The following EXOC4 variants were observed in gnomAD, a reference collection of about 807,000 sequenced individuals.
EXOC4 encodes exocyst complex component 4, also known as SEC8-like 1.
Under a neutral mutation model 107.2 loss-of-function variants are expected in EXOC4, and 71 were observed. That is an observed-to-expected ratio of 0.66 (90% CI 0.55 to 0.81). EXOC4 has a LOEUF of 0.81. Among genes scored for constraint, EXOC4 ranks in the 30% least tolerant of loss-of-function variants. EXOC4 has a pLI of 0.00. For synonymous variants in EXOC4, 456 were observed against 441.2 expected (o/e 1.03, Z -0.42); for missense variants, 1,108 against 1,189.6 (o/e 0.93, Z 1.01).
At chr7:133,317,704 C>T (rs955153577) in intron 5 of EXOC4, among the ~76,000 whole-genome samples, 37 of 151,124 alleles carry the variant, frequency 2.4e-4, no homozygotes, top group Admixed American at 7.2e-4. Context: ...TTTTTTGAGA[C>T]GGAGTCTCGC....
At chr7:133,274,786 A>G (rs1793950082) in intron 1 of EXOC4, among the ~76,000 whole-genome samples, 196 bp from the exon 2 acceptor site, 1 of 152,234 alleles carries the variant, frequency 6.6e-6, no homozygotes, top group Admixed American at 6.5e-5. Context: ...ATAGGCAACT[A>G]CAAATCCACT....
chr7:133,845,333 G>A (rs1798102137), intron 11 of EXOC4, among the ~76,000 whole-genome samples: 2 of 138,542 alleles, frequency 1.4e-5, no homozygotes, highest in South Asian at 4.5e-4. Context: ...AGGCAGGTTA[G>A]TAGTGTGTGT....
chr7:133,598,788 C>T (rs769818407), intron 9 of EXOC4, among the ~76,000 whole-genome samples: 48 of 152,172 alleles, frequency 3.2e-4, no homozygotes, highest in Middle Eastern at 3.4e-3. Flanking sequence ...TTGTGACCAG[C>T]CTGGCCAACA....
At chr7:133,837,959 A>G (rs1797951316) in intron 11 of EXOC4, among the ~76,000 whole-genome samples, 1 of 152,216 alleles carries the variant, frequency 6.6e-6, no homozygotes, top group Admixed American at 6.5e-5. Flanking sequence ...AGCGCTGGAT[A>G]AAGTAAACCC....
chr7:133,978,029 T>C (rs1480242728), intron 14 of EXOC4, among the ~76,000 whole-genome samples: 5 of 152,212 alleles, frequency 3.3e-5, no homozygotes, highest in Admixed American at 1.3e-4. Flanking sequence ...AACTTACTCT[T>C]GTAACAGGTA....
intron 9 of EXOC4, among the ~76,000 whole-genome samples, chr7:133,567,765 T>A (rs1396602213): frequency 6.6e-6 from 1 of 152,120 alleles, no homozygotes. Context: ...AAGGCAGAAA[T>A]GAACACAGGA....
chr7:134,094,327 T>C, the EXOC4 span, among the ~76,000 whole-genome samples: 1,182 of 152,268 alleles, frequency 7.8e-3, 21 homozygotes, highest in African/African-American at 0.028. Context: ...AATGCATAAA[T>C]TCCTGGAAAC....
intron 10 of EXOC4, among the ~76,000 whole-genome samples, chr7:133,756,033 T>A (rs6963221): frequency 3.3e-5 from 5 of 151,956 alleles, no homozygotes; most frequent in African/African-American, 4.8e-5. Context: ...CCAACATAAC[T>A]TCTTTTAGTT....
chr7:133,883,181 C>A (rs529800409), intron 11 of EXOC4, among the ~76,000 whole-genome samples: 1 of 152,238 alleles, frequency 6.6e-6, no homozygotes, highest in South Asian at 2.1e-4. Context: ...TTTGACTCAG[C>A]CTAAGAGCTG....
chr7:133,510,358 C>G (rs1010113355), intron 9 of EXOC4, among the ~76,000 whole-genome samples: 1 of 152,058 alleles, frequency 6.6e-6, no homozygotes, highest in South Asian at 2.1e-4. Context: ...TTTTGTTTAT[C>G]CATTCATCAG....
intron 9 of EXOC4, among the ~76,000 whole-genome samples, chr7:133,529,078 A>G (rs979776640): frequency 6.6e-6 from 1 of 152,152 alleles, no homozygotes; most frequent in African/African-American, 2.4e-5. Flanking sequence ...CCTGAGATCT[A>G]AAGTATCCCT....
chr7:133,335,908 T>C (rs1795502125), intron 5 of EXOC4, among the ~76,000 whole-genome samples: 1 of 152,182 alleles, frequency 6.6e-6, no homozygotes, highest in Non-Finnish European at 1.5e-5. Context: ...TATATCTGAT[T>C]ATTGTTTTGA....
chr7:133,514,405 G>C (rs192620703), intron 9 of EXOC4, among the ~76,000 whole-genome samples: 1 of 152,000 alleles, frequency 6.6e-6, no homozygotes, highest in Admixed American at 6.6e-5. Flanking sequence ...CTCATGATCC[G>C]CCTTTCTCAG....
chr7:133,352,350 G>C (rs1162629153), intron 5 of EXOC4, among the ~76,000 whole-genome samples: 1 of 151,902 alleles, frequency 6.6e-6, no homozygotes, highest in Non-Finnish European at 1.5e-5. Context: ...ATAGTCATTA[G>C]GTGTATAAAT....
At chr7:133,879,100 G>A (rs1798910034) in intron 11 of EXOC4, among the ~76,000 whole-genome samples, 1 of 152,028 alleles carries the variant, frequency 6.6e-6, no homozygotes, top group Admixed American at 6.6e-5. Flanking sequence ...CCACAAAATG[G>A]TTATTTTTTA....
chr7:133,698,512 G>A (rs1230623409), intron 10 of EXOC4, among the ~76,000 whole-genome samples: 2 of 150,498 alleles, frequency 1.3e-5, no homozygotes, highest in East Asian at 2.0e-4. Context: ...TGTGTATGAG[G>A]TTGAGGTTGC....
At chr7:133,589,555 C>G (rs1237908310) in intron 9 of EXOC4, among the ~76,000 whole-genome samples, 4 of 152,216 alleles carry the variant, frequency 2.6e-5, no homozygotes, top group Admixed American at 6.5e-5. Context: ...AAGCTCTGCT[C>G]TTGTCTGCAG....
intron 11 of EXOC4, among the ~76,000 whole-genome samples, chr7:133,848,677 T>G (rs1798183124): frequency 6.6e-6 from 1 of 152,240 alleles, no homozygotes; most frequent in Non-Finnish European, 1.5e-5. Context: ...CTGTCAGATC[T>G]TATCCATAAA....
chr7:133,901,647 C>T (rs2116556384), intron 12 of EXOC4, among the ~76,000 whole-genome samples: 1 of 152,252 alleles, frequency 6.6e-6, no homozygotes, highest in East Asian at 1.9e-4. Context: ...GTGATATGCT[C>T]CCCCAAAAAT....
Sources: gnomAD v4.1 joint callset for allele counts (sites outside exome capture counted in the v4.1 genomes callset) on GRCh38, gnomAD v4.1.1 for gene constraint, MANE v1.5 for transcripts, NCBI Gene and HGNC (gene_info 2026-07-23, HGNC 2026-07-21) for gene names.